COL6A2: variants seen among roughly 807,000 people sequenced by gnomAD.
The protein encoded by COL6A2 is collagen alpha-2(VI) chain.
A neutral mutation model predicts 124.9 loss-of-function variants in COL6A2; 90 were observed. The ratio of observed to expected loss-of-function variants is 0.72; its 90% CI spans 0.61 to 0.86. The LOEUF (loss-of-function observed/expected upper bound fraction) is 0.86. Among genes scored for constraint, COL6A2 ranks in the 40% least tolerant of loss-of-function variants. The probability of loss-of-function intolerance (pLI) is 0.00; values close to 1 mark genes in which losing one functional copy is unlikely to be tolerated. For synonymous variants in COL6A2, 793 were observed against 618.2 expected (o/e 1.28, Z -4.19); for missense variants, 1,607 against 1,502.5 (o/e 1.07, Z -1.15).
At position 46,132,552 on chromosome 21, in the gene COL6A2, G is replaced by GCGC. The variant is rs757123887; in HGVS notation, c.*8_*10dup. 9.1e-5 allele frequency: 145 copies of GCGC among 1,595,402 alleles called. No individual in the cohort carries two copies. Among genetic ancestry groups the GCGC allele is most frequent in the Admixed American group, 3.7e-4 (22 of 58,978 alleles). On this transcript the variant is annotated 3_prime_UTR_variant, in exon 28 of 28. Transcript: ENST00000300527. ...ACCGCTTCATCCGCTGGATCTGCTA[G>GCGC]CGCCGCCGCCCGGGCCCCGCAGTCG...
chr21:46,127,411 G>C (rs1379806415), intron 27 of COL6A2, among the ~76,000 whole-genome samples: 2 of 152,158 alleles, frequency 1.3e-5, no homozygotes, highest in Non-Finnish European at 2.9e-5. Context: ...GCTGCCCCAG[G>C]GGAGGAGCCG....
chr21:46,110,212 G>A (rs922659668), intron 1 of COL6A2, among the ~76,000 whole-genome samples: 1 of 152,178 alleles, frequency 6.6e-6, no homozygotes, highest in African/African-American at 2.4e-5. Flanking sequence ...GGGGTTGGGG[G>A]CCTGTCTGCC....
At chr21:46,126,368 G>A in intron 26 of COL6A2, 131 bp downstream of exon 26, 2 of 1,514,072 alleles carry the variant, frequency 1.3e-6, no homozygotes, top group Non-Finnish European at 1.8e-6. Context: ...TGGGTGGGAA[G>A]GGGTCGGGCC....
rs1228558670 is a variant in COL6A2 at position 46,132,448 on chromosome 21, A to G, written c.2956A>G (p.Thr986Ala). 2 of 1,606,350 alleles carry G rather than the reference A, an allele frequency of 1.2e-6. No homozygotes were observed. The highest frequency in any genetic ancestry group is 8.5e-7 in the Non-Finnish European group (1 of 1,176,858). The change falls in exon 28 of 28, where the codon ACC becomes GCC. Residue 986 changes from threonine to alanine, a missense_variant. By Grantham distance (58) the Thr-to-Ala change is moderately conservative (BLOSUM62 0). Transcript: ENST00000300527. ...LGSDVDMDVL[T>A]TLSLGDRAAV... ...CAGCGACGTGGACATGGACGTGCTC[A>G]CCACGCTCAGCCTGGGTGACCGCGC... is the stretch of plus-strand genomic sequence containing the variant.
In COL6A2 at chr21:46,126,561, G is replaced by A. The variant is rs1348036980; in HGVS notation, c.2461+20G>A. 4 of 1,613,326 alleles carry A rather than the reference G, an allele frequency of 2.5e-6. No homozygotes were observed. The highest frequency in any genetic ancestry group is 2.2e-5 in the East Asian group (1 of 44,876). The stretch of plus-strand genomic sequence containing the variant: ...AAACAGGTAATGCAGGGCACCCTGA[G>A]CCACCACCCCAGACTAGCAAAGCAG... On this transcript the variant is annotated intron_variant, in intron 27 of 27. Transcript: ENST00000300527.
chr21:46,109,128 C>T (rs531405431), intron 1 of COL6A2, among the ~76,000 whole-genome samples: 4 of 152,126 alleles, frequency 2.6e-5, no homozygotes, highest in African/African-American at 4.8e-5. Context: ...AGGAGGCCCT[C>T]GAGAGCGTGT....
intron 21 of COL6A2, among the ~76,000 whole-genome samples, chr21:46,124,329 G>T (rs995788480): frequency 6.6e-6 from 1 of 152,146 alleles, no homozygotes; most frequent in South Asian, 2.1e-4. Flanking sequence ...GGGTGGGCGT[G>T]GAGTTGGTGG....
At chr21:46,129,440 G>A in intron 27 of COL6A2, 2 of 1,605,634 alleles carry the variant, frequency 1.2e-6, no homozygotes, top group Non-Finnish European at 1.7e-6. Flanking sequence ...CCTTTAAGCT[G>A]GTGCACAGGG....
In COL6A2 at chr21:46,132,582, T is replaced by G; in HGVS notation, c.*30T>G. On this transcript the variant is annotated 3_prime_UTR_variant, in exon 28 of 28. Coordinates refer to ENST00000300527, the MANE Select transcript of COL6A2 (RefSeq NM_001849.4). ...GCCGCCCGGGCCCCGCAGTCGAGGG[T>G]CGTGAGCCCACCCCGTCCATGGTGC... 1 of 1,561,196 alleles carries G rather than the reference T, an allele frequency of 6.4e-7. No individual in the cohort carries two copies. Among genetic ancestry groups the G allele is most frequent in the Non-Finnish European group, 8.6e-7 (1 of 1,158,196 alleles).
At chr21:46,115,747 TCTC>T in intron 5 of COL6A2, 122 bp from the exon 6 acceptor site, 1 of 864,704 alleles carries the variant, frequency 1.2e-6, no homozygotes, top group Non-Finnish European at 1.9e-6. Context: ...CACCAAGACT[TCTC>T]CACTTGGGCA....
chr21:46,106,455 A>G (rs914214689), intron 1 of COL6A2, among the ~76,000 whole-genome samples: 5 of 152,224 alleles, frequency 3.3e-5, no homozygotes, highest in African/African-American at 7.2e-5. Flanking sequence ...AATAGTACCT[A>G]TGTCCAAGGC....
rs2276101 is a variant in COL6A2 at position 46,125,432 on chromosome 21, C to T, written c.1817-33C>T. ...GTGACCCTAGGGTCTGAGGTCTCCC[C>T]GGTACCCCCCGATGACCCTGCCACC... On this transcript the variant is annotated intron_variant, in intron 24 of 27. Coordinates refer to ENST00000300527, the MANE Select transcript of COL6A2 (RefSeq NM_001849.4). 83,694 of 1,611,024 alleles carry T rather than the reference C, an allele frequency of 0.052. 5,659 individuals are homozygous for T. The highest frequency in any genetic ancestry group is 0.4 in the East Asian group (17,988 of 44,810).
At chr21:46,122,970 T>A (rs2078590536) in intron 21 of COL6A2, 33 bp downstream of exon 21, 3 of 1,605,280 alleles carry the variant, frequency 1.9e-6, no homozygotes, top group African/African-American at 2.7e-5. Flanking sequence ...CCACAGCAGC[T>A]GGGCAGAGGC....
intron 18 of COL6A2, among the ~76,000 whole-genome samples, chr21:46,121,820 T>A (rs1478463487): frequency 1.3e-5 from 2 of 152,094 alleles, no homozygotes; most frequent in Non-Finnish European, 2.9e-5. Flanking sequence ...GCAGTGACCC[T>A]TGGGTGTGCA....
intron 6 of COL6A2, 25 bp from the exon 7 acceptor site, chr21:46,115,984 C>A (rs753939131): frequency 1.2e-6 from 2 of 1,611,938 alleles, no homozygotes; most frequent in Admixed American, 3.3e-5. Context: ...GGGCTGGGCT[C>A]ACACTGCTGC....
At chr21:46,112,617 G>A (rs750862152) in intron 3 of COL6A2, 40 bp downstream of exon 3, 17 of 1,605,552 alleles carry the variant, frequency 1.1e-5, no homozygotes, top group African/African-American at 1.3e-5. Context: ...CGCCAGGGGT[G>A]GCCACGGTGG....
At chr21:46,126,923 A>G (rs1305756345) in intron 27 of COL6A2, among the ~76,000 whole-genome samples, 1 of 152,052 alleles carries the variant, frequency 6.6e-6, no homozygotes, top group Admixed American at 6.5e-5. Context: ...CAGTGAGTGA[A>G]ACCATCCCGG....
intron 1 of COL6A2, among the ~76,000 whole-genome samples, chr21:46,103,424 T>A (rs2078307402): frequency 6.6e-6 from 1 of 152,184 alleles, no homozygotes; most frequent in African/African-American, 2.4e-5. Context: ...ATTTTGTTTA[T>A]CTTTGCTCTG....
intron 1 of COL6A2, among the ~76,000 whole-genome samples, chr21:46,101,893 TGAGA>T (rs2078291812): frequency 7.1e-6 from 1 of 140,858 alleles, no homozygotes. Flanking sequence ...CGAGGTCCCT[TGAGA>T]TTCCATCTAA....
Sources: gnomAD v4.1 joint callset for allele counts (sites outside exome capture counted in the v4.1 genomes callset) on GRCh38, gnomAD v4.1.1 for gene constraint, MANE v1.5 for transcripts, NCBI Gene and HGNC (gene_info 2026-07-23, HGNC 2026-07-21) for gene names.